SLAIN1: variants seen among roughly 807,000 people sequenced by gnomAD.
SLAIN1 encodes the protein SLAIN motif-containing protein 1.
SLAIN1 carries 17 observed loss-of-function variants against 55.4 expected under a neutral mutation model. The ratio of observed to expected loss-of-function variants is 0.31; its 90% CI spans 0.21 to 0.46. SLAIN1 has a LOEUF of 0.46. Ranked by LOEUF, SLAIN1 falls within the 20% of genes least tolerant of loss-of-function variation. The probability of loss-of-function intolerance (pLI) is 1.00; values close to 1 mark genes in which losing one functional copy is unlikely to be tolerated. For missense variants in SLAIN1, 682 were observed against 785.1 expected, an observed-to-expected ratio of 0.87 and a Z score of 1.57; for synonymous variants, 348 against 337.4, an observed-to-expected ratio of 1.03 and a Z score of -0.35.
chr13:77,762,212 GTCA>G (rs1875088825), intron 6 of SLAIN1, among the ~76,000 whole-genome samples: 1 of 152,094 alleles, frequency 6.6e-6, no homozygotes, highest in Non-Finnish European at 1.5e-5. Context: ...GCAGAGCTGT[GTCA>G]TCATGCTGAT....
At chr13:77,699,033 G>C in intron 1 of SLAIN1, 1 of 1,535,528 alleles carries the variant, frequency 6.5e-7, no homozygotes, top group Non-Finnish European at 8.7e-7. Flanking sequence ...AAGCCGCGCA[G>C]TGATGGATCT....
At position 77,753,354 on chromosome 13, in the gene SLAIN1, T is replaced by C. The variant is rs200414887; in HGVS notation, c.1410T>C (p.Ser470=). 1.9e-6 allele frequency: 3 copies of C among 1,566,782 alleles called. No homozygotes were observed. The highest frequency in any genetic ancestry group is 1.4e-5 in the African/African-American group (1 of 73,420). The change falls in exon 5 of 7, where the codon TCT becomes TCC. Residue 470 remains serine (S), a synonymous_variant. Transcript: ENST00000418532. ...GAAATGGAATTTCAAGAATACAATC[T>C]TGTAGTGAGTATAATTATTTGATAT... ...GAGNGISRIQ[S]CIPSPGQLQH...
chr13:77,728,487 G>C (rs1434540083), intron 2 of SLAIN1, among the ~76,000 whole-genome samples: 3 of 152,124 alleles, frequency 2.0e-5, no homozygotes, highest in Non-Finnish European at 4.4e-5. Context: ...AATAGTGGAG[G>C]CCTACACAAT....
At chr13:77,723,639 T>G (rs924983528) in intron 2 of SLAIN1, among the ~76,000 whole-genome samples, 15 of 152,330 alleles carry the variant, frequency 9.8e-5, no homozygotes, top group African/African-American at 3.6e-4. Context: ...ACCGTTCTTA[T>G]TTCTGATTCT....
rs753892287 is a variant in SLAIN1 at position 77,753,193 on chromosome 13, T to G, written c.1259-10T>G. ...TCTGTCATTTTTAACTTAGTAAAAT[T>G]CTTTTCCAGATAAGCTCCGAAGAAG... On this transcript the variant is annotated splice_polypyrimidine_tract_variant and intron_variant, in intron 4 of 6. Transcript: ENST00000418532. 6.4e-6 allele frequency: 10 copies of G among 1,570,316 alleles called. No individual in the cohort carries two copies. The African/African-American group carries it at 1.2e-4, about 19-fold the overall frequency.
intron 2 of SLAIN1, among the ~76,000 whole-genome samples, chr13:77,724,646 G>A (rs550529345): frequency 6.6e-6 from 1 of 152,134 alleles, no homozygotes; most frequent in African/African-American, 2.4e-5. Flanking sequence ...AAAAATTATG[G>A]TTTTGACCCA....
At chr13:77,717,975 G>A (rs2091224307) in intron 1 of SLAIN1, among the ~76,000 whole-genome samples, 2 of 152,164 alleles carry the variant, frequency 1.3e-5, no homozygotes, top group South Asian at 4.1e-4. Context: ...GGAAGTGGAA[G>A]GGATTATTAC....
chr13:77,734,699 A>G (rs1169208326), intron 2 of SLAIN1, among the ~76,000 whole-genome samples: 1 of 152,156 alleles, frequency 6.6e-6, no homozygotes, highest in Non-Finnish European at 1.5e-5. Context: ...CTTTTCTCCT[A>G]CCTAGCTTCT....
At position 77,745,248 on chromosome 13, in the gene SLAIN1, C is replaced by A. The variant is rs564389891; in HGVS notation, c.916+816C>A. On this transcript the variant is annotated intron_variant, in intron 3 of 6. Coordinates refer to ENST00000418532, the MANE Select transcript of SLAIN1 (RefSeq NM_001242868.2). Reference sequence around the variant, plus strand: ...TCTTTCTGACACAGACACACACACACCCCCACACACCTGCGATAATCTGAA... The same window carrying A: ...TCTTTCTGACACAGACACACACACAACCCCACACACCTGCGATAATCTGAA... Among the ~76,000 whole-genome samples, 10 of 151,940 alleles carry A rather than the reference C, an allele frequency of 6.6e-5. 1 individual carries two copies. In the South Asian group the frequency reaches 2.1e-3, roughly 32 times the overall value.
intron 2 of SLAIN1, among the ~76,000 whole-genome samples, chr13:77,727,099 G>A (rs2091314168): frequency 6.6e-6 from 1 of 152,154 alleles, no homozygotes; most frequent in African/African-American, 2.4e-5. Context: ...GCCTAGAATA[G>A]AATAATCTTT....
intron 1 of SLAIN1, among the ~76,000 whole-genome samples, chr13:77,705,800 T>G (rs1190735161): frequency 6.6e-6 from 1 of 152,022 alleles, no homozygotes; most frequent in African/African-American, 2.4e-5. Context: ...GAGACTTTTT[T>G]TTTCTAGACA....
intron 2 of SLAIN1, among the ~76,000 whole-genome samples, chr13:77,737,996 G>A (rs1251361596): frequency 2.6e-5 from 4 of 152,006 alleles, no homozygotes; most frequent in African/African-American, 7.2e-5. Flanking sequence ...GGAGTATAGG[G>A]GCCAGGCAGA....
chr13:77,719,752 A>C (rs971649114), intron 2 of SLAIN1, 81 bp downstream of exon 2: 17 of 1,502,266 alleles, frequency 1.1e-5, no homozygotes, highest in Non-Finnish European at 1.4e-5. Flanking sequence ...TGGAATAAAC[A>C]TTTCAATTGA....
chr13:77,714,228 T>C (rs2091183854), intron 1 of SLAIN1, among the ~76,000 whole-genome samples: 1 of 152,176 alleles, frequency 6.6e-6, no homozygotes, highest in African/African-American at 2.4e-5. Flanking sequence ...AACTCCACAG[T>C]TGACTAACTA....
At chr13:77,699,223 G>A in intron 1 of SLAIN1, 1 of 450,980 alleles carries the variant, frequency 2.2e-6, no homozygotes, top group Non-Finnish European at 3.8e-6. Flanking sequence ...GGAATGAACA[G>A]GTGGGAGGGA....
chr13:77,748,786 T>C (rs1490921603), intron 4 of SLAIN1, among the ~76,000 whole-genome samples: 1 of 152,186 alleles, frequency 6.6e-6, no homozygotes, highest in Non-Finnish European at 1.5e-5. Flanking sequence ...TGAAGTCCAG[T>C]AGATCCTGTG....
intron 2 of SLAIN1, among the ~76,000 whole-genome samples, chr13:77,728,803 C>T (rs1390452938): frequency 6.6e-6 from 1 of 152,172 alleles, no homozygotes; most frequent in Admixed American, 6.6e-5. Context: ...TCCAGTCTCT[C>T]CTTGCTTGGC....
intron 2 of SLAIN1, among the ~76,000 whole-genome samples, chr13:77,726,798 T>G (rs2091311941): frequency 6.6e-6 from 1 of 152,242 alleles, no homozygotes; most frequent in Non-Finnish European, 1.5e-5. Context: ...TTTTACAATT[T>G]ATAAAGTCTT....
At chr13:77,725,600 A>G (rs2091300441) in intron 2 of SLAIN1, among the ~76,000 whole-genome samples, 1 of 152,178 alleles carries the variant, frequency 6.6e-6, no homozygotes, top group Non-Finnish European at 1.5e-5. Flanking sequence ...TTTGACCTTG[A>G]TGTTTTGAAA....
Sources: gnomAD v4.1 joint callset for allele counts (sites outside exome capture counted in the v4.1 genomes callset) on GRCh38, gnomAD v4.1.1 for gene constraint, MANE v1.5 for transcripts, NCBI Gene and HGNC (gene_info 2026-07-23, HGNC 2026-07-21) for gene names.